The following PCDHGA8 variants were observed in gnomAD, a reference collection of about 807,000 sequenced individuals.
The protein encoded by PCDHGA8 is protocadherin gamma subfamily A, 8.
A neutral mutation model predicts 59.2 loss-of-function variants in PCDHGA8; 45 were observed. The observed-to-expected ratio is 0.76, with a 90% CI of 0.60 to 0.98. The LOEUF (loss-of-function observed/expected upper bound fraction) is 0.98, where lower values mean the gene tolerates loss of function less well. PCDHGA8 is among the 50% of genes least tolerant of loss of function. PCDHGA8 has a pLI of 0.00. For missense variants in PCDHGA8, 1,257 were observed against 1,196.2 expected, an observed-to-expected ratio of 1.05 and a Z score of -0.75; for synonymous variants, 531 against 519.0, an observed-to-expected ratio of 1.02 and a Z score of -0.32.
intron 1 of PCDHGA8, among the ~76,000 whole-genome samples, chr5:141,437,026 A>G (rs1398960659): frequency 6.6e-6 from 1 of 152,258 alleles, no homozygotes; most frequent in Non-Finnish European, 1.5e-5. Context: ...TCACCAGAAA[A>G]TGGATCACCG....
intron 3 of PCDHGA8, among the ~76,000 whole-genome samples, chr5:141,509,807 C>T (rs369661041): frequency 2.0e-5 from 3 of 152,104 alleles, no homozygotes; most frequent in Non-Finnish European, 4.4e-5. Context: ...TTCATAGAGC[C>T]GAGCTCTTCT....
chr5:141,415,754 T>TTTTG, intron 1 of PCDHGA8: 1 of 1,385,736 alleles, frequency 7.2e-7, no homozygotes, highest in Non-Finnish European at 9.3e-7. Flanking sequence ...TTTTTTTTTT[T>TTTTG]TTTTTTTTTT....
At chr5:141,462,203 G>T (rs544238255) in intron 1 of PCDHGA8, among the ~76,000 whole-genome samples, 2 of 152,036 alleles carry the variant, frequency 1.3e-5, no homozygotes, top group African/African-American at 4.8e-5. Flanking sequence ...CAGGTGATCC[G>T]CCTGCCTCGG....
chr5:141,501,030 A>G (rs2099805050), intron 2 of PCDHGA8, among the ~76,000 whole-genome samples: 1 of 151,848 alleles, frequency 6.6e-6, no homozygotes, highest in Admixed American at 6.6e-5. Flanking sequence ...CACCACGCCC[A>G]GCTAATTTTT....
At chr5:141,451,288 C>G (rs1308574266) in intron 1 of PCDHGA8, among the ~76,000 whole-genome samples, 3 of 152,200 alleles carry the variant, frequency 2.0e-5, no homozygotes, top group Non-Finnish European at 4.4e-5. Context: ...GCCTCTGCCT[C>G]AAAGTCTTAC....
At chr5:141,450,888 G>C (rs1038570371) in intron 1 of PCDHGA8, among the ~76,000 whole-genome samples, 27 of 145,380 alleles carry the variant, frequency 1.9e-4, no homozygotes, top group Non-Finnish European at 3.9e-4. Flanking sequence ...GCAGTGGTGC[G>C]ATATCGGCTC....
intron 1 of PCDHGA8, among the ~76,000 whole-genome samples, chr5:141,492,964 C>CT (rs2099745347): frequency 6.6e-6 from 1 of 152,354 alleles, no homozygotes; most frequent in Non-Finnish European, 1.5e-5. Context: ...ATCTGACACT[C>CT]TAACAAGTCC....
intron 1 of PCDHGA8, chr5:141,441,855 G>T (rs1210416963): frequency 2.8e-6 from 1 of 351,872 alleles, no homozygotes; most frequent in Admixed American, 4.0e-5. Context: ...ATATGGTGCT[G>T]CACGCCGCGG....
chr5:141,423,009 G>T (rs371209178), intron 1 of PCDHGA8: 3 of 1,614,222 alleles, frequency 1.9e-6, no homozygotes, highest in Non-Finnish European at 2.5e-6. Context: ...AGGTGGTTGC[G>T]GTGGACAAAG....
At chr5:141,406,474 T>TA (rs1309995681) in intron 1 of PCDHGA8, among the ~76,000 whole-genome samples, 1 of 152,248 alleles carries the variant, frequency 6.6e-6, no homozygotes, top group Non-Finnish European at 1.5e-5. Flanking sequence ...TCTTTGAGGT[T>TA]ATATTTTTCA....
intron 2 of PCDHGA8, among the ~76,000 whole-genome samples, chr5:141,499,115 C>G (rs940275925): frequency 6.6e-6 from 1 of 152,124 alleles, no homozygotes; most frequent in Non-Finnish European, 1.5e-5. Flanking sequence ...CACCACTATC[C>G]CTTCTCAGGT....
Position 141,503,989 on chromosome 5 carries a change from C to T in PCDHGA8, c.2484-1404C>T, listed in dbSNP as rs534696225. Among the ~76,000 whole-genome samples the T allele has an allele frequency of 2.6e-5, 4 of 152,312 alleles. No individual in the cohort carries two copies. The South Asian group carries it at 8.3e-4, about 32-fold the overall frequency. On this transcript the variant is annotated intron_variant, in intron 2 of 3. Transcript: ENST00000398604. ...CATGGTGCCAAACCCTTCTTCTTAC[C>T]TTACAGTCACTTAACTGTCTCTGCT...
In PCDHGA8 at chr5:141,410,323, G is replaced by T. The variant is rs1415994094; in HGVS notation, c.2424+15086G>T. 3.7e-6 allele frequency: 6 copies of T among 1,613,884 alleles called. No homozygotes were observed. The South Asian group carries it at 5.5e-5, about 15-fold the overall frequency. ...TCTCAGTGCTCTTCCTCCTCGCCGT[G>T]ATTCTGGCCATTGCCTTGCGCCTGC... is the stretch of plus-strand genomic sequence containing the variant. On this transcript the variant is annotated intron_variant, in intron 1 of 3. Transcript: ENST00000398604.
chr5:141,507,522 C>G (rs560304194), intron 3 of PCDHGA8, among the ~76,000 whole-genome samples: 365 of 152,096 alleles, frequency 2.4e-3, no homozygotes, highest in African/African-American at 8.1e-3. Context: ...GCTATGATTC[C>G]AGAGAGGCCA....
chr5:141,446,353 T>C (rs1278613929), intron 1 of PCDHGA8, among the ~76,000 whole-genome samples: 2 of 152,176 alleles, frequency 1.3e-5, no homozygotes, highest in Non-Finnish European at 2.9e-5. Flanking sequence ...AAGCTACCAT[T>C]TGATGAGAAT....
At position 141,400,239 on chromosome 5, in the gene PCDHGA8, T is replaced by G. The variant is rs1306520918; in HGVS notation, c.2424+5002T>G. Reference sequence around the variant, plus strand: ...CAGTGCTCTTCCTCCTGGCCGTGATTCTGGCCGTTGCCTTGCGCCTGCGAC... The same window carrying G: ...CAGTGCTCTTCCTCCTGGCCGTGATGCTGGCCGTTGCCTTGCGCCTGCGAC... On this transcript the variant is annotated intron_variant, in intron 1 of 3. Coordinates refer to ENST00000398604, the MANE Select transcript of PCDHGA8 (RefSeq NM_032088.2). 1.9e-6 allele frequency: 3 copies of G among 1,614,054 alleles called. No individual in the cohort carries two copies. The highest frequency in any genetic ancestry group is 2.2e-5 in the East Asian group (1 of 44,880).
rs759356451 is a variant in PCDHGA8, at chr5:141,476,397, G to C, written c.2425-18410G>C. On this transcript the variant is annotated intron_variant, in intron 1 of 3. Transcript: ENST00000398604. The surrounding 1 kb of genome is among the most constrained non-coding windows in gnomAD (Gnocchi z 7.6). ...ATGTTTGTGAACGACCGTCTGGATC[G>C]AGAGGAGCTGTGTGGGACACTGCCC... The C allele has an allele frequency of 6.2e-7, 1 of 1,614,142 alleles. No individual in the cohort carries two copies. The highest frequency in any genetic ancestry group is 8.5e-7 in the Non-Finnish European group (1 of 1,180,036).
Position 141,394,184 on chromosome 5 carries a change from C to G in PCDHGA8, c.1371C>G (p.Tyr457Ter). The change falls in exon 1 of 4, where the codon TAC becomes TAG. Residue 457 changes from tyrosine to a stop codon, truncating the protein, a stop_gained. Coordinates refer to ENST00000398604, the MANE Select transcript of PCDHGA8 (RefSeq NM_032088.2). LOFTEE classifies it high-confidence loss of function. Reference protein sequence around the residue: ...DNPPTFPHASYSAYILENNLR... With the variant: ...DNPPTFPHAS The stretch of plus-strand genomic sequence containing the variant: ...CTCCTACTTTCCCTCATGCCTCCTA[C>G]TCAGCGTATATCCTAGAGAACAACC... 6.2e-7 allele frequency: 1 copy of G among 1,613,944 alleles called. No individual in the cohort carries two copies. The highest frequency in any genetic ancestry group is 8.5e-7 in the Non-Finnish European group (1 of 1,179,866).
intron 2 of PCDHGA8, among the ~76,000 whole-genome samples, chr5:141,496,279 G>C (rs902362885): frequency 1.3e-5 from 2 of 152,198 alleles, no homozygotes; most frequent in Non-Finnish European, 2.9e-5. Context: ...ACCTTCAGTT[G>C]GTCTGAGCAG....
Sources: gnomAD v4.1 joint callset for allele counts (sites outside exome capture counted in the v4.1 genomes callset) on GRCh38, gnomAD v4.1.1 for gene constraint, Gnocchi (gnomAD v3.1) non-coding constraint, MANE v1.5 for transcripts, NCBI Gene and HGNC (gene_info 2026-07-23, HGNC 2026-07-21) for gene names.